MAGI2: variants seen among roughly 807,000 people sequenced by gnomAD.
MAGI2 encodes the protein membrane-associated guanylate kinase, WW and PDZ domain-containing protein 2.
Under a neutral mutation model 133.3 loss-of-function variants are expected in MAGI2, and 35 were observed. The ratio of observed to expected loss-of-function variants is 0.26; its 90% CI spans 0.20 to 0.35. The LOEUF is 0.35. MAGI2 is among the 10% of genes least tolerant of loss of function. The pLI, the probability that MAGI2 is intolerant of heterozygous loss-of-function variation, is 1.00. For missense variants in MAGI2, 1,636 were observed against 1,863.4 expected (o/e 0.88, Z 2.25); for synonymous variants, 729 against 710.6 (o/e 1.03, Z -0.41).
chr7:79,278,872 A>T (rs1176529000), intron 1 of MAGI2, among the ~76,000 whole-genome samples: 3 of 152,172 alleles, frequency 2.0e-5, no homozygotes, highest in Non-Finnish European at 4.4e-5. Flanking sequence ...CTGTAAAATA[A>T]AGGTAGCAAA....
At chr7:78,882,077 C>A (rs1481407890) in intron 2 of MAGI2, among the ~76,000 whole-genome samples, 13 of 16,206 alleles carry the variant, frequency 8.0e-4, no homozygotes, top group African/African-American at 3.1e-3. Flanking sequence ...TTAACAACAA[C>A]AACAACAACA....
At chr7:79,123,200 G>A (rs569701045) in intron 1 of MAGI2, among the ~76,000 whole-genome samples, 1 of 152,252 alleles carries the variant, frequency 6.6e-6, no homozygotes, top group East Asian at 1.9e-4. Flanking sequence ...AACGTTCAAT[G>A]TATGAATGAA....
chr7:78,966,756 T>G (rs1234496050), intron 2 of MAGI2, among the ~76,000 whole-genome samples: 1 of 152,080 alleles, frequency 6.6e-6, no homozygotes, highest in Non-Finnish European at 1.5e-5. Context: ...CATAATGTTT[T>G]CCACAGGGGC....
rs191463756 is a variant in MAGI2 at position 79,187,140 on chromosome 7, A to G, written c.302-179934T>C. Among the ~76,000 whole-genome samples, 42 of 151,760 alleles carry G rather than the reference A, an allele frequency of 2.8e-4. 2 individuals are homozygous for G. Among genetic ancestry groups the G allele is most frequent in the African/African-American group, 9.4e-4 (39 of 41,378 alleles). Reference sequence around the variant, plus strand: ...ATATTTTAACAGAGATGATTTGAAAATCTGCCTTTTTTGATTTTCAATATA... The same window carrying G: ...ATATTTTAACAGAGATGATTTGAAAGTCTGCCTTTTTTGATTTTCAATATA... On this transcript the variant is annotated intron_variant, in intron 1 of 21. Coordinates refer to ENST00000354212, the MANE Select transcript of MAGI2 (RefSeq NM_012301.4).
chr7:79,166,964 A>G (rs1348168099), intron 1 of MAGI2, among the ~76,000 whole-genome samples: 2 of 152,014 alleles, frequency 1.3e-5, no homozygotes, highest in East Asian at 1.9e-4. Context: ...TTTGAATCTC[A>G]GAGTCCTCAT....
chr7:78,308,573 G>A (rs1798433705), intron 9 of MAGI2, among the ~76,000 whole-genome samples: 1 of 151,122 alleles, frequency 6.6e-6, no homozygotes, highest in Admixed American at 6.6e-5. Flanking sequence ...AGGCACAGTA[G>A]TCTGCTTCTC....
intron 6 of MAGI2, among the ~76,000 whole-genome samples, chr7:78,415,642 C>G (rs1246509085): frequency 1.3e-5 from 2 of 152,054 alleles, no homozygotes; most frequent in East Asian, 3.9e-4. Flanking sequence ...TGTCTCAAGC[C>G]ATCCCCAAGC....
chr7:78,627,779 C>T (rs765561629), intron 2 of MAGI2, among the ~76,000 whole-genome samples: 32 of 152,226 alleles, frequency 2.1e-4, no homozygotes, highest in South Asian at 6.2e-4. Flanking sequence ...TAAAGGATCG[C>T]AAAACCTTTA....
At chr7:78,637,122 G>A (rs993471892) in intron 2 of MAGI2, among the ~76,000 whole-genome samples, 2 of 152,192 alleles carry the variant, frequency 1.3e-5, no homozygotes, top group Admixed American at 1.3e-4. Flanking sequence ...TGCAGGTCAT[G>A]ACTTTGGCAT....
Position 78,138,651 on chromosome 7 carries a change from A to G in MAGI2, c.2846-3445T>C, listed in dbSNP as rs921166797. Among the ~76,000 whole-genome samples the G allele has an allele frequency of 2.3e-3, 354 of 151,888 alleles. 3 individuals are homozygous for G. The highest frequency in any genetic ancestry group is 8.1e-3 in the African/African-American group (336 of 41,436). ...CACACACACACACACACACACACACACACACACACACACACACACACACAC... is the reference window on the plus strand; with the variant it reads ...CACACACACACACACACACACACACGCACACACACACACACACACACACAC... On this transcript the variant is annotated intron_variant, in intron 16 of 21. Coordinates refer to ENST00000354212, the MANE Select transcript of MAGI2 (RefSeq NM_012301.4).
At chr7:79,182,756 C>G (rs1826732416) in intron 1 of MAGI2, among the ~76,000 whole-genome samples, 1 of 151,702 alleles carries the variant, frequency 6.6e-6, no homozygotes, top group African/African-American at 2.4e-5. Flanking sequence ...ACACTACTCA[C>G]AATAGTAAAG....
intron 2 of MAGI2, among the ~76,000 whole-genome samples, chr7:78,725,157 G>C (rs1820643933): frequency 6.6e-6 from 1 of 152,160 alleles, no homozygotes; most frequent in East Asian, 1.9e-4. Flanking sequence ...TGAAAAATAA[G>C]GCAGCTGGTT....
At chr7:79,126,380 G>C (rs1404203864) in intron 1 of MAGI2, among the ~76,000 whole-genome samples, 4 of 152,206 alleles carry the variant, frequency 2.6e-5, no homozygotes, top group African/African-American at 9.6e-5. Context: ...GTGCATATAA[G>C]ATAGTTGGGG....
intron 6 of MAGI2, among the ~76,000 whole-genome samples, chr7:78,477,671 C>T (rs1263676963): frequency 1.3e-5 from 2 of 151,870 alleles, no homozygotes; most frequent in African/African-American, 4.8e-5. Context: ...TAGGGGAAAC[C>T]GCCCCCATGA....
chr7:78,948,311 T>C (rs78278041), intron 2 of MAGI2, among the ~76,000 whole-genome samples: 3 of 152,102 alleles, frequency 2.0e-5, no homozygotes, highest in Non-Finnish European at 4.4e-5. Context: ...CTTTTTTTTT[T>C]CTTTTCCTCA....
At chr7:79,147,576 G>T (rs756364372) in intron 1 of MAGI2, among the ~76,000 whole-genome samples, 1 of 152,204 alleles carries the variant, frequency 6.6e-6, no homozygotes, top group Non-Finnish European at 1.5e-5. Flanking sequence ...AAAGATGTCA[G>T]TGAACCCTTT....
chr7:78,431,314 C>T (rs1799772479), intron 6 of MAGI2, among the ~76,000 whole-genome samples: 2 of 151,988 alleles, frequency 1.3e-5, no homozygotes, highest in African/African-American at 2.4e-5. Context: ...CACAGTTTGT[C>T]CATTTTCTTT....
chr7:79,188,912 T>G (rs1472599372), intron 1 of MAGI2, among the ~76,000 whole-genome samples: 1 of 151,998 alleles, frequency 6.6e-6, no homozygotes, highest in East Asian at 1.9e-4. Context: ...GCTCTCTAAC[T>G]TACTTTTCTT....
intron 1 of MAGI2, among the ~76,000 whole-genome samples, chr7:79,015,976 C>A (rs1808669122): frequency 8.3e-6 from 1 of 120,346 alleles, no homozygotes; most frequent in Non-Finnish European, 1.6e-5. Flanking sequence ...TTATTTCTAG[C>A]CCTCAATGAC....
Sources: allele counts gnomAD v4.1 joint callset (sites outside exome capture counted in the v4.1 genomes callset), GRCh38; gene constraint gnomAD v4.1.1; transcripts MANE v1.5; gene names NCBI Gene and HGNC (gene_info 2026-07-23, HGNC 2026-07-21).